Variants in SORL1 observed in about 807,000 individuals in gnomAD.
The protein encoded by SORL1 is sortilin-related receptor.
Under a neutral mutation model 273.7 loss-of-function variants are expected in SORL1, and 127 were observed. That is an observed-to-expected ratio of 0.46 (90% confidence interval 0.40 to 0.54). SORL1 has a LOEUF of 0.54. Ranked by LOEUF, SORL1 falls within the 20% of genes least tolerant of loss-of-function variation. The pLI, the probability that SORL1 is intolerant of heterozygous loss-of-function variation, is 0.00. For missense variants in SORL1, 2,494 were observed against 2,846.1 expected (o/e 0.88, Z 2.81); for synonymous variants, 1,031 against 1,067.4 (o/e 0.97, Z 0.66).
At chr11:121,573,441 A>G (rs1311874421) in intron 23 of SORL1, among the ~76,000 whole-genome samples, 6 of 152,102 alleles carry the variant, frequency 3.9e-5, no homozygotes, top group Non-Finnish European at 8.8e-5. Flanking sequence ...GCAAAACCCC[A>G]TCTGTACTAA....
chr11:121,607,007 A>T (rs1219828774), intron 36 of SORL1, 50 bp downstream of exon 36: 2 of 1,346,048 alleles, frequency 1.5e-6, no homozygotes, highest in Non-Finnish European at 1.1e-6. Flanking sequence ...GTGCTAGGAG[A>T]TTTCTGGGTA....
At chr11:121,562,842 G>GA (rs1370047780) in intron 21 of SORL1, among the ~76,000 whole-genome samples, 1 of 152,184 alleles carries the variant, frequency 6.6e-6, no homozygotes, top group East Asian at 1.9e-4. Flanking sequence ...TGTAAAGAAA[G>GA]AAAAAGAAAT....
Position 121,590,808 on chromosome 11 carries a change from A to G in SORL1, c.4214-193A>G, listed in dbSNP as rs1452312933. The stretch of plus-strand genomic sequence containing the variant: ...GGAAATCTACTCCCCAAAAGGGAAA[A>G]GAATATTGCCTCTTCTGACAACCCA... On this transcript the variant is annotated intron_variant, in intron 30 of 47. Coordinates refer to ENST00000260197, the MANE Select transcript of SORL1 (RefSeq NM_003105.6). The G allele has an allele frequency of 5.2e-6, 4 of 773,422 alleles. No homozygotes were observed. The Admixed American group carries it at 6.8e-5, about 13-fold the overall frequency. The allele number at this position is 773,422 out of a possible 1,614,324, so 47.9% of individuals were successfully genotyped here.
Position 121,630,784 on chromosome 11 carries a change from C to T in SORL1, c.*1221C>T, listed in dbSNP as rs1863864523. On this transcript the variant is annotated 3_prime_UTR_variant, in exon 48 of 48. Transcript: ENST00000260197. ...GAGCACTAGAGTTTGTTCATTTATT[C>T]TCTCTGTAAAACAAGCTGTGCTTTT... is the stretch of plus-strand genomic sequence containing the variant. The T allele has an allele frequency of 6.6e-6, 1 of 152,230 alleles. No homozygotes were observed. 9.4% of individuals were successfully genotyped at this position (152,230 alleles called of 1,614,324 possible).
In SORL1 at chr11:121,606,917, C is replaced by T. The variant is rs1863484251; in HGVS notation, c.5021C>T (p.Ala1674Val). The T allele has an allele frequency of 6.2e-7, 1 of 1,614,058 alleles. No homozygotes were observed. Among genetic ancestry groups the T allele is most frequent in the Non-Finnish European group, 8.5e-7 (1 of 1,179,898 alleles). Reference protein sequence around the residue: ...EAEGVIVGHWAPPIHTHGLIR... With the variant: ...EAEGVIVGHWVPPIHTHGLIR... ...GAAGGTGTGATTGTAGGCCACTGGG[C>T]TCCTCCCATCCACACCCATGGCCTC... is the stretch of plus-strand genomic sequence containing the variant. The change falls in exon 36 of 48, where the codon GCT (alanine) becomes GTT (valine). Residue 1674 changes from alanine to valine, a missense_variant. By Grantham distance (64) the Ala-to-Val change is moderately conservative. Around this residue, in one of 3 missense-constraint regions of SORL1, gnomAD observed 1,609 missense variants for 1,816.4 expected, o/e 0.89. Coordinates refer to ENST00000260197, the MANE Select transcript of SORL1 (RefSeq NM_003105.6).
Position 121,595,837 on chromosome 11 carries a change from T to C in SORL1, c.4519+65T>C. The C allele has an allele frequency of 6.5e-7, 1 of 1,538,128 alleles. No homozygotes were observed. Among genetic ancestry groups the C allele is most frequent in the East Asian group, 2.3e-5 (1 of 44,262 alleles). On this transcript the variant is annotated intron_variant, in intron 32 of 47. Coordinates refer to ENST00000260197, the MANE Select transcript of SORL1 (RefSeq NM_003105.6). This position sits in a 1 kb window ranked among gnomAD's most constrained non-coding sequence, Gnocchi z 5.1. ...CTGCAGAGAGCACAGTTCTGGTGCT[T>C]CTGCTTCATTTCTGGATCAGCACAC...
rs974278391 is a variant in SORL1, at chr11:121,618,817, G to A, written c.5648G>A (p.Arg1883His). The A allele has an allele frequency of 8.7e-6, 14 of 1,613,826 alleles. No homozygotes were observed. Among genetic ancestry groups the A allele is most frequent in the African/African-American group, 2.7e-5 (2 of 74,882 alleles). ...GCCACGTCCTTTCTTGACCTCTATC[G>A]CAACCCGAAGAGCTTGACTACTTCA... ...FYATSFLDLYRNPKSLTTSLH... is the reference protein window; with the variant it reads ...FYATSFLDLYHNPKSLTTSLH... The change falls in exon 42 of 48, where the codon CGC becomes CAC. Residue 1883 changes from arginine (R) to histidine (H), a missense_variant. By Grantham distance (29) the Arg-to-His change is conservative. Coordinates refer to ENST00000260197, the MANE Select transcript of SORL1 (RefSeq NM_003105.6).
At chr11:121,576,835 A>C in intron 24 of SORL1, 2 of 1,534,412 alleles carry the variant, frequency 1.3e-6, no homozygotes, top group Non-Finnish European at 1.7e-6. Flanking sequence ...TGAGCATCTC[A>C]CGGTGATCAG....
At chr11:121,544,989 C>T (rs1038929980) in intron 13 of SORL1, among the ~76,000 whole-genome samples, 1 of 152,172 alleles carries the variant, frequency 6.6e-6, no homozygotes, top group Admixed American at 6.5e-5. Flanking sequence ...TGTAATGTTT[C>T]GGAAATTTGG....
chr11:121,559,030 C>T (rs1262341571), intron 20 of SORL1, among the ~76,000 whole-genome samples, 193 bp downstream of exon 20: 1 of 152,228 alleles, frequency 6.6e-6, no homozygotes, highest in South Asian at 2.1e-4. Context: ...CCAGGCTCCC[C>T]TGCTGTTCAC....
In SORL1 at chr11:121,590,983, G is replaced by A; in HGVS notation, c.4214-18G>A. 6.2e-7 allele frequency: 1 copy of A among 1,614,216 alleles called. No homozygotes were observed. Among genetic ancestry groups the A allele is most frequent in the Non-Finnish European group, 8.5e-7 (1 of 1,180,016 alleles). On this transcript the variant is annotated intron_variant, in intron 30 of 47. Transcript: ENST00000260197. ...TGCTTCTAATGTTTTGGGTTTCCGT[G>A]CTTGGTGTTTTTCTCAGATTCACAT...
rs920683935 is a variant in SORL1, at chr11:121,554,121, C to T, written c.2439+12C>T. The T allele has an allele frequency of 1.2e-6, 2 of 1,611,612 alleles. No individual in the cohort carries two copies. The highest frequency in any genetic ancestry group is 2.7e-5 in the African/African-American group (2 of 74,894). On this transcript the variant is annotated intron_variant, in intron 17 of 47. Transcript: ENST00000260197. The surrounding 1 kb of genome is among the most constrained non-coding windows in gnomAD (Gnocchi z 4.6). Reference sequence around the variant, plus strand: ...TGGACGTCATCCAGGTGAGTCAGCGCTTGGTCTGACTGTGGGAGCTGTGCA... The same window carrying T: ...TGGACGTCATCCAGGTGAGTCAGCGTTTGGTCTGACTGTGGGAGCTGTGCA...
In SORL1 at chr11:121,595,480, C is replaced by A; in HGVS notation, c.4370-143C>A. The A allele has an allele frequency of 1.4e-6, 1 of 733,158 alleles. No individual in the cohort carries two copies. Among genetic ancestry groups the A allele is most frequent in the Non-Finnish European group, 2.3e-6 (1 of 438,968 alleles). 45.4% of individuals were successfully genotyped at this position (733,158 alleles called of 1,614,324 possible). ...ACATTAGATGTCTGTATCTACTCTGCTCTCTATCCGGAACTCGCATTTGTC... is the reference window on the plus strand; with the variant it reads ...ACATTAGATGTCTGTATCTACTCTGATCTCTATCCGGAACTCGCATTTGTC... On this transcript the variant is annotated intron_variant, in intron 31 of 47. Transcript: ENST00000260197. This position sits in a 1 kb window ranked among gnomAD's most constrained non-coding sequence, Gnocchi z 5.1.
chr11:121,527,864 C>T (rs772837822), intron 11 of SORL1, among the ~76,000 whole-genome samples: 2 of 151,906 alleles, frequency 1.3e-5, no homozygotes, highest in Non-Finnish European at 2.9e-5. Context: ...CTCTATTTTT[C>T]GTTCGTTTAG....
intron 24 of SORL1, chr11:121,576,972 G>A: frequency 1.3e-6 from 2 of 1,508,818 alleles, no homozygotes; most frequent in South Asian, 1.2e-5. Flanking sequence ...TCCCATCATA[G>A]CAAGCATAGA....
intron 3 of SORL1, among the ~76,000 whole-genome samples, chr11:121,484,351 G>A (rs990641958): frequency 8.5e-5 from 13 of 152,200 alleles, no homozygotes; most frequent in African/African-American, 2.7e-4. Context: ...ACATGAGGAT[G>A]AAGAAGACCC....
Position 121,589,249 on chromosome 11 carries a change from C to G in SORL1, c.3947-10C>G. The G allele has an allele frequency of 6.2e-7, 1 of 1,612,382 alleles. No individual in the cohort carries two copies. Among genetic ancestry groups the G allele is most frequent in the Non-Finnish European group, 8.5e-7 (1 of 1,178,602 alleles). On this transcript the variant is annotated splice_polypyrimidine_tract_variant and intron_variant, in intron 28 of 47. Coordinates refer to ENST00000260197, the MANE Select transcript of SORL1 (RefSeq NM_003105.6). ...TTCCTGGACTTCATGGATGTTTGTT[C>G]CCTCTGTAGCCCAAGATCCTGAGTT...
chr11:121,557,525 A>C (rs1862609670), intron 19 of SORL1, 120 bp downstream of exon 19: 2 of 770,882 alleles, frequency 2.6e-6, no homozygotes. Flanking sequence ...GAAATGGTCT[A>C]TTAACTGAGA....
intron 21 of SORL1, among the ~76,000 whole-genome samples, chr11:121,561,243 C>G (rs1485520777): frequency 6.6e-6 from 1 of 152,152 alleles, no homozygotes; most frequent in African/African-American, 2.4e-5. Flanking sequence ...CCAGTGGCTA[C>G]CCGGTCACAA....
Sources: allele counts gnomAD v4.1 joint callset (sites outside exome capture counted in the v4.1 genomes callset), GRCh38; gene constraint gnomAD v4.1.1; regional missense constraint gnomAD v4.1.1; non-coding constraint Gnocchi (gnomAD v3.1); transcripts MANE v1.5; gene names NCBI Gene and HGNC (gene_info 2026-07-23, HGNC 2026-07-21).